The following RP1 variants were observed in gnomAD, a reference collection of about 807,000 sequenced individuals.
The protein encoded by RP1 is RP1 axonemal microtubule associated.
RP1 carries 16 observed loss-of-function variants against 14.8 expected under a neutral mutation model. That is an observed-to-expected ratio of 1.08 (90% CI 0.73 to 1.65). RP1 has a LOEUF of 1.65. Ranked by LOEUF, RP1 falls within the 40% of genes most tolerant of loss-of-function variation. The probability of loss-of-function intolerance (pLI) is 0.00; values close to 1 mark genes in which losing one functional copy is unlikely to be tolerated. For missense variants in RP1, 2,631 were observed against 2,535.0 expected, an observed-to-expected ratio of 1.04 and a Z score of -0.81; for synonymous variants, 876 against 883.6, an observed-to-expected ratio of 0.99 and a Z score of 0.15.
intron 23 of RP1, among the ~76,000 whole-genome samples, chr8:54,779,489 A>G (rs1381672705): frequency 1.3e-5 from 2 of 152,220 alleles, no homozygotes; most frequent in Admixed American, 1.3e-4. Flanking sequence ...AAACATGTCT[A>G]GACACAGGTG....
chr8:54,759,707 C>A (rs1809593186), intron 22 of RP1, among the ~76,000 whole-genome samples: 2 of 152,166 alleles, frequency 1.3e-5, no homozygotes, highest in Non-Finnish European at 2.9e-5. Context: ...TTCTCTAGAT[C>A]TTTACTGAGC....
At chr8:54,825,831 G>A (rs1172708765) in intron 24 of RP1, among the ~76,000 whole-genome samples, 1 of 152,068 alleles carries the variant, frequency 6.6e-6, no homozygotes, top group Non-Finnish European at 1.5e-5. Flanking sequence ...CACTGTGGGG[G>A]GCAGAGCAGA....
At chr8:54,724,520 T>C (rs2129352007) in intron 16 of RP1, among the ~76,000 whole-genome samples, 1 of 152,318 alleles carries the variant, frequency 6.6e-6, no homozygotes, top group South Asian at 2.1e-4. Flanking sequence ...TAGACAGCTC[T>C]GGTTCTTTCA....
Position 54,620,717 on chromosome 8 carries a change from G to T in RP1, c.-12-238G>T, listed in dbSNP as rs527812815. Among the ~76,000 whole-genome samples the T allele has an allele frequency of 2.0e-5, 3 of 152,078 alleles. No individual in the cohort carries two copies. The East Asian group carries it at 5.8e-4, about 29-fold the overall frequency. Reference sequence around the variant, plus strand: ...TGATAATTTATCTAGGCCCTTATTCGTGTGTTTAGGTTGTTTTTTCAAATT... The same window carrying T: ...TGATAATTTATCTAGGCCCTTATTCTTGTGTTTAGGTTGTTTTTTCAAATT... On this transcript the variant is annotated intron_variant, in intron 1 of 3. Transcript: ENST00000220676.
chr8:54,724,084 T>C (rs1482622186), intron 16 of RP1, among the ~76,000 whole-genome samples: 1 of 152,214 alleles, frequency 6.6e-6, no homozygotes, highest in East Asian at 1.9e-4. Context: ...AAAATATGTT[T>C]GGACATTTTA....
chr8:54,651,560 C>T (rs1486267561), intron 4 of RP1, among the ~76,000 whole-genome samples: 3 of 152,070 alleles, frequency 2.0e-5, no homozygotes, highest in Admixed American at 6.6e-5. Flanking sequence ...TACTATTGCT[C>T]ATAGCATTCT....
At position 54,852,578 on chromosome 8, in the gene RP1, G is replaced by A. The variant is rs1812080678; in HGVS notation, c.3840G>A (p.Val1280=). The change falls in exon 26 of 29, where the codon GTG becomes GTA. Residue 1280 remains valine (V), a synonymous_variant. Transcript: ENST00000637698. ...ATCAGATTTCTTACATTTCAGTGGTGCTTTATGAGATTCGCATATACACAG... is the reference window on the plus strand; with the variant it reads ...ATCAGATTTCTTACATTTCAGTGGTACTTTATGAGATTCGCATATACACAG... The A allele has an allele frequency of 2.4e-6, 3 of 1,231,534 alleles. No homozygotes were observed. The East Asian group carries it at 9.5e-5, about 39-fold the overall frequency. The allele number at this position is 1,231,534 out of a possible 1,614,324, so 76.3% of individuals were successfully genotyped here. A position where few individuals can be genotyped will look rare whatever the true frequency, so the allele number is the denominator to read the frequency against.
At chr8:54,721,462 A>G (rs1202467458) in intron 16 of RP1, among the ~76,000 whole-genome samples, 2 of 152,192 alleles carry the variant, frequency 1.3e-5, no homozygotes, top group African/African-American at 4.8e-5. Flanking sequence ...CAGGGAGAAA[A>G]CAGAAATGAC....
At position 54,714,782 on chromosome 8, in the gene RP1, A is replaced by G. The variant is rs537280881; in HGVS notation, c.2212-5347A>G. ...ACTAGCTGTATCTGGGCAGCTGGCAAGATGAACTTGTCAGTGGTGACTTTG... is the reference window on the plus strand; with the variant it reads ...ACTAGCTGTATCTGGGCAGCTGGCAGGATGAACTTGTCAGTGGTGACTTTG... On this transcript the variant is annotated intron_variant, in intron 15 of 22. Transcript: ENST00000636932. Among the ~76,000 whole-genome samples, 7 of 152,350 alleles carry G rather than the reference A, an allele frequency of 4.6e-5. No homozygotes were observed. In the East Asian group the frequency reaches 1.4e-3, roughly 29 times the overall value.
At chr8:54,663,171 T>G (rs527660087) in intron 6 of RP1, among the ~76,000 whole-genome samples, 1 of 152,292 alleles carries the variant, frequency 6.6e-6, no homozygotes, top group South Asian at 2.1e-4. Context: ...TCTCTGCCTG[T>G]GCATCACTTA....
At chr8:54,666,530 T>A (rs1424531558) in intron 7 of RP1, among the ~76,000 whole-genome samples, 1 of 151,988 alleles carries the variant, frequency 6.6e-6, no homozygotes, top group East Asian at 1.9e-4. Flanking sequence ...GAAACTCTTT[T>A]CAGGGAGAAG....
intron 3 of RP1, among the ~76,000 whole-genome samples, chr8:54,639,913 A>G (rs1440038048): frequency 6.6e-6 from 1 of 152,086 alleles, no homozygotes; most frequent in Non-Finnish European, 1.5e-5. Context: ...TCACTTTCTT[A>G]GTGGTGGGAT....
At chr8:54,674,521 A>AG (rs1258780779) in intron 8 of RP1, among the ~76,000 whole-genome samples, 1 of 142,428 alleles carries the variant, frequency 7.0e-6, no homozygotes, top group East Asian at 2.4e-4. Flanking sequence ...CAAAAAAAAA[A>AG]AAAAGGAAAA....
chr8:54,699,490 A>T lies in RP1; in HGVS notation c.1741A>T (p.Lys581Ter), dbSNP rs1807960085. 2 of 1,385,048 alleles carry T rather than the reference A, an allele frequency of 1.4e-6. No individual in the cohort carries two copies. Among genetic ancestry groups the T allele is most frequent in the Non-Finnish European group, 1.9e-6 (2 of 1,056,758 alleles). 85.8% of individuals were successfully genotyped at this position (1,385,048 alleles called of 1,614,324 possible). A position where few individuals can be genotyped will look rare whatever the true frequency, so the allele number is the denominator to read the frequency against. Residue 581 changes from lysine to a stop codon, truncating the protein, a stop_gained, in exon 13 of 23, where the codon AAA becomes TAA. Transcript: ENST00000636932. LOFTEE classifies it high-confidence loss of function. ...AGGTGTCTTTGATGTTATTTTCAAC[A>T]AAAGAAATATATGCATTTTCCAAAG... is the stretch of plus-strand genomic sequence containing the variant.
At chr8:54,615,452 A>G (rs1310656006), upstream of RP1, among the ~76,000 whole-genome samples, 1 of 152,234 alleles carries the variant, frequency 6.6e-6, no homozygotes, top group East Asian at 1.9e-4. Context: ...AGTCATTAGA[A>G]GGATCAGGTG....
chr8:54,740,546 AT>A (rs1356138181), intron 19 of RP1, among the ~76,000 whole-genome samples: 1 of 151,812 alleles, frequency 6.6e-6, no homozygotes, highest in African/African-American at 2.4e-5. Flanking sequence ...ACATAGTGAA[AT>A]CTCATCTCTA....
chr8:54,857,859 A>G (rs1232599022), intron 27 of RP1, among the ~76,000 whole-genome samples: 2 of 152,116 alleles, frequency 1.3e-5, no homozygotes, highest in Non-Finnish European at 2.9e-5. Context: ...CTTCATTCAT[A>G]TCTTTCCTAC....
intron 18 of RP1, chr8:54,738,864 A>G (rs923065322): frequency 3.7e-6 from 3 of 809,908 alleles, no homozygotes; most frequent in Non-Finnish European, 5.5e-6. Context: ...AAATGCAGTT[A>G]GTGTAAAAAG....
At chr8:54,748,678 A>C (rs1264157165) in intron 19 of RP1, among the ~76,000 whole-genome samples, 2 of 152,256 alleles carry the variant, frequency 1.3e-5, no homozygotes, top group Non-Finnish European at 2.9e-5. Flanking sequence ...GGCTATACAA[A>C]GAAAATACTA....
Sources: allele counts gnomAD v4.1 joint callset (sites outside exome capture counted in the v4.1 genomes callset), GRCh38; gene constraint gnomAD v4.1.1; transcripts MANE v1.5; gene names NCBI Gene and HGNC (gene_info 2026-07-23, HGNC 2026-07-21).